The following IL2RB variants were observed in gnomAD, a reference collection of about 807,000 sequenced individuals.
The protein encoded by IL2RB is interleukin 2 receptor subunit beta.
In IL2RB, 17 loss-of-function variants were observed where a neutral mutation model predicts 44.2. The observed-to-expected ratio is 0.38, with a 90% CI of 0.26 to 0.58. The LOEUF is 0.58. IL2RB is among the 20% of genes least tolerant of loss of function. The pLI is 0.63. For missense variants in IL2RB, 624 were observed against 685.5 expected (o/e 0.91, Z 1.00); for synonymous variants, 286 against 297.9 (o/e 0.96, Z 0.41).
At chr22:37,169,801 G>T (rs1025118163) in intron 1 of IL2RB, among the ~76,000 whole-genome samples, 2 of 152,314 alleles carry the variant, frequency 1.3e-5, no homozygotes, top group Admixed American at 6.5e-5. Flanking sequence ...ATGGGGTTAG[G>T]TACCTGCCAG....
chr22:37,152,260 G>A (rs1922519795), upstream of IL2RB, among the ~76,000 whole-genome samples: 1 of 152,198 alleles, frequency 6.6e-6, no homozygotes, highest in Non-Finnish European at 1.5e-5. Flanking sequence ...ACGTTTTATA[G>A]TTTTCATTAT....
At chr22:37,165,246 G>A (rs904246445) in intron 1 of IL2RB, among the ~76,000 whole-genome samples, 4 of 152,236 alleles carry the variant, frequency 2.6e-5, no homozygotes, top group African/African-American at 4.8e-5. Flanking sequence ...CCAGGCTGCC[G>A]CCACCTTTGG....
At chr22:37,136,168 T>A in intron 7 of IL2RB, 60 bp downstream of exon 7, 1 of 1,521,054 alleles carries the variant, frequency 6.6e-7, no homozygotes. Flanking sequence ...ATGGAGCAGC[T>A]CCTCCTCCAG....
intron 9 of IL2RB, among the ~76,000 whole-genome samples, chr22:37,131,589 T>A (rs1160271631): frequency 2.0e-5 from 3 of 152,190 alleles, no homozygotes; most frequent in South Asian, 4.1e-4. Context: ...CTTGTTAGTA[T>A]CCACGCTAAG....
chr22:37,130,905 G>A (rs1041939404), intron 9 of IL2RB, among the ~76,000 whole-genome samples: 2 of 152,232 alleles, frequency 1.3e-5, no homozygotes, highest in African/African-American at 2.4e-5. Context: ...GGTGGCGCAC[G>A]CCTGTAATCC....
At chr22:37,138,320 A>G (rs1921805227) in intron 5 of IL2RB, among the ~76,000 whole-genome samples, 1 of 152,206 alleles carries the variant, frequency 6.6e-6, no homozygotes, top group Admixed American at 6.5e-5. Context: ...TGCTGACTAC[A>G]TGGTAAGCAG....
rs112649736 is a variant in IL2RB at position 37,162,744 on chromosome 22, A to G, written c.-34+12214T>C. 6.8e-3 allele frequency among the ~76,000 whole-genome samples: 1,025 copies of G among 151,840 alleles called. 7 individuals are homozygous for G. Among genetic ancestry groups the G allele is most frequent in the Middle Eastern group, 0.014 (4 of 294 alleles). On this transcript the variant is annotated intron_variant, in intron 1 of 5. Transcript: ENST00000429622. ...CCACCCCACCCCTCTACCCCAGATC[A>G]GAGATCCTACCACATGCCAGGGGTA...
upstream of IL2RB, among the ~76,000 whole-genome samples, chr22:37,150,971 T>C (rs1922466418): frequency 6.6e-6 from 1 of 152,220 alleles, no homozygotes; most frequent in Non-Finnish European, 1.5e-5. Context: ...TATTCATTCA[T>C]CTGTTGATGG....
intron 5 of IL2RB, among the ~76,000 whole-genome samples, 200 bp from the exon 6 acceptor site, chr22:37,137,935 T>C (rs1428424474): frequency 6.6e-6 from 1 of 151,162 alleles, no homozygotes; most frequent in Non-Finnish European, 1.5e-5. Flanking sequence ...CACTCACCAC[T>C]CTGCATCCCC....
chr22:37,137,697 C>T lies in IL2RB; in HGVS notation c.427G>A (p.Val143Met), dbSNP rs752982148. 5.0e-6 allele frequency: 8 copies of T among 1,613,982 alleles called. No homozygotes were observed. Among genetic ancestry groups the T allele is most frequent in the East Asian group, 2.2e-5 (1 of 44,882 alleles). The part of the protein sequence containing the change: ...MAPISLQVVH[V>M]ETHRCNISWE... ...CTTATGTTGCATCTGTGGGTCTCCA[C>T]GTGGACAACTTGGAGGGAGATGGGG... Residue 143 changes from valine (V) to methionine (M), a missense_variant, in exon 6 of 10, where the codon GTG (valine) becomes ATG (methionine). Val to Met is a conservative substitution (Grantham distance 21). Transcript: ENST00000216223.
chr22:37,143,583 G>A lies in IL2RB; in HGVS notation c.141C>T (p.Val47=), dbSNP rs1264257577. 1 of 1,614,164 alleles carries A rather than the reference G, an allele frequency of 6.2e-7. No individual in the cohort carries two copies. Among genetic ancestry groups the A allele is most frequent in the Non-Finnish European group, 8.5e-7 (1 of 1,180,024 alleles). ...FYNSRANISC[V]WSQDGALQDT... is the part of the protein sequence containing the mutation. ...CCTGCAGAGCCCCATCTTGGCTCCA[G>A]ACACAGGAGATGTTGGCTCTCGAGT... The change falls in exon 3 of 10, where the codon GTC becomes GTT. Residue 47 remains valine (V), a synonymous_variant. Transcript: ENST00000216223.
chr22:37,143,776 G>A, intron 2 of IL2RB, 141 bp from the exon 3 acceptor site: 1 of 687,112 alleles, frequency 1.5e-6, no homozygotes, highest in East Asian at 2.7e-5. Flanking sequence ...GGGATTCATG[G>A]ACCCACTTCA....
intron 9 of IL2RB, among the ~76,000 whole-genome samples, chr22:37,132,062 G>A (rs1000892073): frequency 5.9e-5 from 9 of 152,022 alleles, no homozygotes; most frequent in African/African-American, 1.7e-4. Context: ...CACTAACTGC[G>A]TGCCAGGCAA....
At chr22:37,136,091 C>G in intron 7 of IL2RB, 137 bp downstream of exon 7, 3 of 935,250 alleles carry the variant, frequency 3.2e-6, no homozygotes, top group Non-Finnish European at 4.7e-6. Flanking sequence ...AAAGCGAGCC[C>G]CCTGCAGGGT....
rs117057484 is a variant in IL2RB, at chr22:37,141,618, T to A, written c.282+816A>T. Among the ~76,000 whole-genome samples, 413 of 152,234 alleles carry A rather than the reference T, an allele frequency of 2.7e-3. 7 individuals carry two copies. In the East Asian group the frequency reaches 0.037, roughly 14 times the overall value. On this transcript the variant is annotated intron_variant, in intron 4 of 9. Coordinates refer to ENST00000216223, the MANE Select transcript of IL2RB (RefSeq NM_000878.5). This position sits in a 1 kb window ranked among gnomAD's most constrained non-coding sequence, Gnocchi z 4.4. Reference sequence around the variant, plus strand: ...CAAGCTCAGGGGTGTCTGCTCCCACTGTCTGGCCTCCTCCTGCTCCAGTGC... The same window carrying A: ...CAAGCTCAGGGGTGTCTGCTCCCACAGTCTGGCCTCCTCCTGCTCCAGTGC...
At chr22:37,162,612 G>A (rs559176043) in intron 1 of IL2RB, among the ~76,000 whole-genome samples, 1 of 152,290 alleles carries the variant, frequency 6.6e-6, no homozygotes, top group African/African-American at 2.4e-5. Flanking sequence ...TTCAAAGTGA[G>A]TTAGAGACAG....
chr22:37,128,583 T>C lies in IL2RB; in HGVS notation c.1169A>G (p.Glu390Gly). 6.2e-7 allele frequency: 1 copy of C among 1,614,016 alleles called. No individual in the cohort carries two copies. The highest frequency in any genetic ancestry group is 8.5e-7 in the Non-Finnish European group (1 of 1,179,942). Residue 390 changes from glutamate (E) to glycine (G), a missense_variant, in exon 10 of 10, where the codon GAA becomes GGA. By Grantham distance (98) the Glu-to-Gly change is moderately conservative (BLOSUM62 -2). Around this residue, in one of 3 missense-constraint regions of IL2RB, gnomAD observed 291 missense variants for 275.5 expected, o/e 1.06. Coordinates refer to ENST00000216223, the MANE Select transcript of IL2RB (RefSeq NM_000878.5). The surrounding 1 kb of genome is among the most constrained non-coding windows in gnomAD (Gnocchi z 4.5). ...VYFTYDPYSE[E>G]DPDEGVAGAP... ...CCCGGCCACACCCTCATCAGGGTCT[T>C]CCTCTGAGTAGGGGTCGTAAGTAAA... is the stretch of plus-strand genomic sequence containing the variant.
intron 4 of IL2RB, among the ~76,000 whole-genome samples, chr22:37,140,412 A>G (rs1356361869): frequency 6.6e-6 from 1 of 151,918 alleles, no homozygotes; most frequent in Non-Finnish European, 1.5e-5. Context: ...AGCACTTTAC[A>G]TATATTGTCT....
At chr22:37,155,835 G>A (rs1433716886) in intron 1 of IL2RB, among the ~76,000 whole-genome samples, 2 of 152,132 alleles carry the variant, frequency 1.3e-5, no homozygotes, top group African/African-American at 2.4e-5. Flanking sequence ...GACCCTCTGC[G>A]CTGCATCTTC....
Sources: allele counts gnomAD v4.1 joint callset (sites outside exome capture counted in the v4.1 genomes callset), GRCh38; gene constraint gnomAD v4.1.1; regional missense constraint gnomAD v4.1.1; non-coding constraint Gnocchi (gnomAD v3.1); transcripts MANE v1.5; gene names NCBI Gene and HGNC (gene_info 2026-07-23, HGNC 2026-07-21).